The following KCNH1 variants were observed in gnomAD, a reference collection of about 807,000 sequenced individuals.
The protein encoded by KCNH1 is potassium voltage-gated channel subfamily H member 1.
Under a neutral mutation model 69.2 loss-of-function variants are expected in KCNH1, and 27 were observed. That is an observed-to-expected ratio of 0.39 (90% CI 0.29 to 0.54). The LOEUF is 0.54. Among genes scored for constraint, KCNH1 ranks in the 20% least tolerant of loss-of-function variants. The pLI, the probability that KCNH1 is intolerant of heterozygous loss-of-function variation, is 0.68. For missense variants in KCNH1, 798 were observed against 1,261.6 expected (o/e 0.63, Z 5.57); for synonymous variants, 456 against 487.7 (o/e 0.93, Z 0.86).
intron 7 of KCNH1, among the ~76,000 whole-genome samples, chr1:210,818,880 T>C (rs1013705628): frequency 1.3e-5 from 2 of 152,238 alleles, no homozygotes; most frequent in African/African-American, 4.8e-5. Context: ...GGTTTACCTA[T>C]AGCCAGCAGT....
At chr1:210,999,404 G>A (rs915874331) in intron 6 of KCNH1, among the ~76,000 whole-genome samples, 13 of 152,114 alleles carry the variant, frequency 8.5e-5, no homozygotes, top group African/African-American at 2.7e-4. Flanking sequence ...AAATAAACTA[G>A]AAAATTTAGA....
chr1:210,972,318 AT>A (rs1417907874), intron 6 of KCNH1, among the ~76,000 whole-genome samples: 7 of 152,220 alleles, frequency 4.6e-5, no homozygotes, highest in Admixed American at 2.6e-4. Flanking sequence ...TGCAGACTAG[AT>A]TGTGCTTCCT....
At chr1:211,065,448 A>G (rs114755335) in intron 5 of KCNH1, among the ~76,000 whole-genome samples, 2,396 of 152,276 alleles carry the variant, frequency 0.016, 61 homozygotes, top group African/African-American at 0.055. Flanking sequence ...ATAGAAGTAG[A>G]GAGTAGACTG....
intron 7 of KCNH1, chr1:210,861,013 G>A: frequency 9.5e-7 from 1 of 1,057,088 alleles, no homozygotes; most frequent in Non-Finnish European, 1.5e-6. Context: ...GGTCAGCATT[G>A]GGTTCTGTAA....
intron 5 of KCNH1, among the ~76,000 whole-genome samples, chr1:211,024,719 T>C (rs749321892): frequency 2.0e-5 from 3 of 151,780 alleles, no homozygotes; most frequent in Admixed American, 6.6e-5. Context: ...GAGAAAAAGA[T>C]GAGATGATAG....
At chr1:210,853,787 C>A (rs1685762768) in intron 7 of KCNH1, among the ~76,000 whole-genome samples, 1 of 152,026 alleles carries the variant, frequency 6.6e-6, no homozygotes, top group Admixed American at 6.6e-5. Flanking sequence ...TGTCTAAATT[C>A]TGCCGACAGA....
chr1:210,828,524 G>A (rs7553542), intron 7 of KCNH1, among the ~76,000 whole-genome samples: 27 of 151,854 alleles, frequency 1.8e-4, no homozygotes, highest in Admixed American at 1.6e-3. Context: ...CATCCCCACC[G>A]CAGCAGATTA....
chr1:211,084,810 A>C (rs1690924119), intron 4 of KCNH1, among the ~76,000 whole-genome samples: 1 of 152,254 alleles, frequency 6.6e-6, no homozygotes, highest in Admixed American at 6.5e-5. Flanking sequence ...AGATGAAAAA[A>C]TAGATTCATT....
intron 6 of KCNH1, among the ~76,000 whole-genome samples, chr1:210,988,688 C>T (rs1688888768): frequency 6.6e-6 from 1 of 152,170 alleles, no homozygotes; most frequent in Non-Finnish European, 1.5e-5. Context: ...TATGTGAGAA[C>T]AGAAGGCCTA....
intron 6 of KCNH1, among the ~76,000 whole-genome samples, chr1:210,998,271 C>T (rs1265493987): frequency 1.3e-5 from 2 of 152,172 alleles, no homozygotes; most frequent in Admixed American, 1.3e-4. Context: ...AAACACATCT[C>T]ACATGCAGAG....
At chr1:210,927,226 A>G (rs903624165) in intron 6 of KCNH1, among the ~76,000 whole-genome samples, 1 of 152,192 alleles carries the variant, frequency 6.6e-6, no homozygotes, top group Non-Finnish European at 1.5e-5. Context: ...AAACACCAAG[A>G]GGAGTCATTG....
chr1:210,917,111 A>G (rs1317534467), intron 7 of KCNH1, among the ~76,000 whole-genome samples: 2 of 151,810 alleles, frequency 1.3e-5, no homozygotes, highest in African/African-American at 4.8e-5. Context: ...ATACCACTGC[A>G]CTGCAGCCTG....
chr1:210,846,696 A>C (rs1027698828), intron 7 of KCNH1, among the ~76,000 whole-genome samples: 23 of 152,162 alleles, frequency 1.5e-4, no homozygotes, highest in Non-Finnish European at 2.5e-4. Flanking sequence ...TAAAACACCA[A>C]AAGCAATGGC....
intron 7 of KCNH1, among the ~76,000 whole-genome samples, chr1:210,812,511 G>GT (rs1230353714): frequency 1.3e-5 from 2 of 152,116 alleles, no homozygotes; most frequent in African/African-American, 4.8e-5. Flanking sequence ...GACTTAATAT[G>GT]TCTTTTTTGC....
At chr1:210,881,424 C>T (rs1686491342) in intron 7 of KCNH1, among the ~76,000 whole-genome samples, 2 of 152,170 alleles carry the variant, frequency 1.3e-5, no homozygotes, top group South Asian at 4.1e-4. Flanking sequence ...GGTGGGAATG[C>T]AAAATGGTAT....
At chr1:210,891,875 T>C (rs1171226749) in intron 7 of KCNH1, among the ~76,000 whole-genome samples, 1 of 152,170 alleles carries the variant, frequency 6.6e-6, no homozygotes, top group Non-Finnish European at 1.5e-5. Context: ...GTGGATACTA[T>C]GCAGACATAA....
intron 5 of KCNH1, among the ~76,000 whole-genome samples, chr1:211,075,504 G>A (rs1690716753): frequency 6.6e-6 from 1 of 152,242 alleles, no homozygotes; most frequent in South Asian, 2.1e-4. Flanking sequence ...CAATGGGACA[G>A]TTTACCTGTT....
At chr1:211,037,802 G>C (rs189051498) in intron 5 of KCNH1, among the ~76,000 whole-genome samples, 1 of 152,012 alleles carries the variant, frequency 6.6e-6, no homozygotes, top group Non-Finnish European at 1.5e-5. Flanking sequence ...ATCTCAACTT[G>C]AATTGTATCT....
intron 10 of KCNH1, among the ~76,000 whole-genome samples, chr1:210,761,938 G>A (rs1683532416): frequency 6.6e-6 from 1 of 152,048 alleles, no homozygotes; most frequent in Non-Finnish European, 1.5e-5. Context: ...CAACCACACA[G>A]TATACATTCT....
Sources: allele counts gnomAD v4.1 joint callset (sites outside exome capture counted in the v4.1 genomes callset), GRCh38; gene constraint gnomAD v4.1.1; transcripts MANE v1.5; gene names NCBI Gene and HGNC (gene_info 2026-07-23, HGNC 2026-07-21).